The following TBC1D5 variants were observed in gnomAD, a reference collection of about 807,000 sequenced individuals.
TBC1D5 encodes the protein TBC1 domain family member 5.
TBC1D5 carries 75 observed loss-of-function variants against 100.3 expected under a neutral mutation model. The observed-to-expected ratio is 0.75, with a 90% CI of 0.62 to 0.91. The LOEUF is 0.91. Ranked by LOEUF, TBC1D5 falls within the 40% of genes least tolerant of loss-of-function variation. The pLI is 0.00. For synonymous variants in TBC1D5, 323 were observed against 325.6 expected (o/e 0.99, Z 0.09); for missense variants, 910 against 942.4 (o/e 0.97, Z 0.45).
At chr3:17,722,986 C>T (rs2075827168) in intron 1 of TBC1D5, among the ~76,000 whole-genome samples, 1 of 152,136 alleles carries the variant, frequency 6.6e-6, no homozygotes, top group African/African-American at 2.4e-5. Flanking sequence ...ATGTGGTTTG[C>T]ATTTTACCAT....
intron 2 of TBC1D5, among the ~76,000 whole-genome samples, chr3:17,538,120 G>T (rs1289976677): frequency 6.6e-6 from 1 of 152,118 alleles, no homozygotes; most frequent in Non-Finnish European, 1.5e-5. Flanking sequence ...GACAGGGCAG[G>T]AGAGCACCCA....
intron 2 of TBC1D5, among the ~76,000 whole-genome samples, chr3:17,540,377 C>G (rs949913807): frequency 6.6e-6 from 1 of 152,098 alleles, no homozygotes; most frequent in Non-Finnish European, 1.5e-5. Flanking sequence ...GATGTCATAC[C>G]CAATAAATAA....
intron 2 of TBC1D5, among the ~76,000 whole-genome samples, chr3:17,555,088 A>G (rs1021292765): frequency 6.6e-6 from 1 of 151,458 alleles, no homozygotes; most frequent in African/African-American, 2.4e-5. Flanking sequence ...TGACCTTGTG[A>G]TCCACCCTCC....
chr3:17,370,981 T>C (rs1449239975), intron 13 of TBC1D5, among the ~76,000 whole-genome samples: 1 of 152,106 alleles, frequency 6.6e-6, no homozygotes, highest in East Asian at 1.9e-4. Flanking sequence ...GAGAACCCTT[T>C]TGTCTGTAGC....
At chr3:17,311,468 G>A (rs146971587) in intron 13 of TBC1D5, among the ~76,000 whole-genome samples, 4 of 151,940 alleles carry the variant, frequency 2.6e-5, no homozygotes, top group African/African-American at 9.7e-5. Flanking sequence ...CACTATTCTC[G>A]ATTTTAAATT....
intron 2 of TBC1D5, among the ~76,000 whole-genome samples, chr3:17,555,006 C>T (rs943180570): frequency 2.6e-5 from 4 of 152,018 alleles, no homozygotes; most frequent in East Asian, 3.9e-4. Context: ...CGTGCCACCA[C>T]GTCCAGCTAA....
At chr3:17,593,758 T>A (rs1169102777) in intron 2 of TBC1D5, among the ~76,000 whole-genome samples, 2 of 152,160 alleles carry the variant, frequency 1.3e-5, no homozygotes, top group African/African-American at 4.8e-5. Flanking sequence ...ATGTTCCCCA[T>A]CATCCTAAAG....
At chr3:17,526,204 T>C (rs1160141202) in intron 2 of TBC1D5, among the ~76,000 whole-genome samples, 2 of 152,088 alleles carry the variant, frequency 1.3e-5, no homozygotes, top group Admixed American at 6.6e-5. Context: ...ACTTCCAGAA[T>C]CAATTTATTC....
chr3:17,486,511 C>T (rs1183131377), intron 3 of TBC1D5, among the ~76,000 whole-genome samples: 1 of 152,126 alleles, frequency 6.6e-6, no homozygotes, highest in Admixed American at 6.5e-5. Context: ...TTAAAAGTCT[C>T]TTCACAGTAC....
intron 16 of TBC1D5, among the ~76,000 whole-genome samples, chr3:17,258,057 A>G (rs1451270524): frequency 6.6e-6 from 1 of 152,164 alleles, no homozygotes; most frequent in Non-Finnish European, 1.5e-5. Flanking sequence ...TAAAATTTCT[A>G]TGTATGCAAT....
At chr3:17,208,285 T>G (rs1397366398) in intron 18 of TBC1D5, among the ~76,000 whole-genome samples, 1 of 152,228 alleles carries the variant, frequency 6.6e-6, no homozygotes, top group East Asian at 1.9e-4. Context: ...CACTCATACT[T>G]CATGTCTATC....
intron 8 of TBC1D5, among the ~76,000 whole-genome samples, chr3:17,388,334 A>G (rs1191187870): frequency 6.6e-6 from 1 of 152,116 alleles, no homozygotes; most frequent in Admixed American, 6.6e-5. Context: ...GTTTAATTAT[A>G]AATTTTAAAA....
chr3:17,652,463 A>G (rs1360658680), intron 1 of TBC1D5, among the ~76,000 whole-genome samples: 2 of 152,166 alleles, frequency 1.3e-5, no homozygotes, highest in Admixed American at 1.3e-4. Flanking sequence ...GTTTCCTTAA[A>G]CCGGTAAATT....
At chr3:17,451,750 T>C (rs2094932459) in intron 3 of TBC1D5, among the ~76,000 whole-genome samples, 1 of 152,134 alleles carries the variant, frequency 6.6e-6, no homozygotes, top group Admixed American at 6.5e-5. Context: ...TCTGCACATG[T>C]ATACCAGAAC....
rs186774135 is a variant in TBC1D5 at position 17,667,909 on chromosome 3, A to G, written c.-100-43996T>C. Among the ~76,000 whole-genome samples, 155 of 152,032 alleles carry G rather than the reference A, an allele frequency of 1.0e-3. 2 individuals are homozygous for G. The South Asian group carries it at 0.018, about 18-fold the overall frequency. On this transcript the variant is annotated intron_variant, in intron 1 of 21. Transcript: ENST00000253692. The stretch of plus-strand genomic sequence containing the variant: ...TTATGAAATGATACATGTTGTCTCC[A>G]GGAATATTTAATTTGTATTTTAAGA...
intron 13 of TBC1D5, among the ~76,000 whole-genome samples, chr3:17,322,663 G>A (rs1194212847): frequency 3.3e-5 from 5 of 152,204 alleles, no homozygotes; most frequent in Non-Finnish European, 5.9e-5. Flanking sequence ...TACCTTTAAA[G>A]GAGGAAGCTA....
At chr3:17,417,490 A>G (rs964223385) in intron 4 of TBC1D5, among the ~76,000 whole-genome samples, 1 of 151,918 alleles carries the variant, frequency 6.6e-6, no homozygotes, top group Non-Finnish European at 1.5e-5. Flanking sequence ...ATGATTGCCA[A>G]TTTCATCCAT....
chr3:17,233,112 C>A (rs2075553077), intron 17 of TBC1D5, among the ~76,000 whole-genome samples: 1 of 152,070 alleles, frequency 6.6e-6, no homozygotes, highest in Admixed American at 6.6e-5. Flanking sequence ...ATATTTTGAA[C>A]AAATGGATAT....
chr3:17,354,018 CA>C (rs750094064), intron 13 of TBC1D5, among the ~76,000 whole-genome samples: 3 of 151,864 alleles, frequency 2.0e-5, no homozygotes, highest in Non-Finnish European at 2.9e-5. Context: ...TCTAAAATAA[CA>C]AAATTGAACA....
Sources: gnomAD v4.1 joint callset for allele counts (sites outside exome capture counted in the v4.1 genomes callset) on GRCh38, gnomAD v4.1.1 for gene constraint, MANE v1.5 for transcripts, NCBI Gene and HGNC (gene_info 2026-07-23, HGNC 2026-07-21) for gene names.